KCNG3: variants seen among roughly 807,000 people sequenced by gnomAD.
The protein encoded by KCNG3 is potassium voltage-gated channel modifier subfamily G member 3.
KCNG3 carries 15 observed loss-of-function variants against 29.0 expected under a neutral mutation model. The ratio of observed to expected loss-of-function variants is 0.52; its 90% CI spans 0.35 to 0.80. The LOEUF (loss-of-function observed/expected upper bound fraction) is 0.80, where lower values mean the gene tolerates loss of function less well. Ranked by LOEUF, KCNG3 falls within the 30% of genes least tolerant of loss-of-function variation. The pLI, the probability that KCNG3 is intolerant of heterozygous loss-of-function variation, is 0.01. For synonymous variants in KCNG3, 322 were observed against 248.9 expected (o/e 1.29, Z -2.76); for missense variants, 512 against 605.7 (o/e 0.85, Z 1.62).
chr2:42,413,740 GC>G, the KCNG3 span: 1 of 152,796 alleles, frequency 6.5e-6, no homozygotes, highest in Non-Finnish European at 1.5e-5. Context: ...TCTTCACATG[GC>G]AGCAGCAAGG....
At chr2:42,477,638 G>A (rs548948131) in intron 1 of KCNG3, among the ~76,000 whole-genome samples, 13 of 151,924 alleles carry the variant, frequency 8.6e-5, no homozygotes, top group African/African-American at 3.1e-4. Flanking sequence ...TAGCACTTTG[G>A]GAGGCCGAGG....
chr2:42,490,423 AAAAATAAAAT>A (rs1361699295), intron 1 of KCNG3, among the ~76,000 whole-genome samples: 1 of 152,102 alleles, frequency 6.6e-6, no homozygotes, highest in Non-Finnish European at 1.5e-5. Context: ...TAAAAATGCA[AAAAATAAAAT>A]AAAATAAAAT....
At chr2:42,471,406 C>G (rs2103708526) in intron 1 of KCNG3, among the ~76,000 whole-genome samples, 1 of 152,142 alleles carries the variant, frequency 6.6e-6, no homozygotes, top group South Asian at 2.1e-4. Flanking sequence ...CAAAAGGCTC[C>G]ATGTTGTATA....
At chr2:42,455,556 A>T (rs1460648512) in intron 1 of KCNG3, among the ~76,000 whole-genome samples, 1 of 152,114 alleles carries the variant, frequency 6.6e-6, no homozygotes, top group Non-Finnish European at 1.5e-5. Context: ...AGCCCAGGAG[A>T]TCTTGGAATA....
chr2:42,443,760 C>G lies in KCNG3; in HGVS notation c.*174G>C, dbSNP rs1018637705. 1 of 580,788 alleles carries G rather than the reference C, an allele frequency of 1.7e-6. No individual in the cohort carries two copies. The highest frequency in any genetic ancestry group is 2.9e-6 in the Non-Finnish European group (1 of 340,152). 36.0% of individuals were successfully genotyped at this position (580,788 alleles called of 1,614,324 possible). On this transcript the variant is annotated 3_prime_UTR_variant, in exon 2 of 2. Transcript: ENST00000306078. Reference sequence around the variant, plus strand: ...TTATTCTTCCTTTGCAGTCTCAATTCTATTTACTCCATAACAAGTAAACTG... The same window carrying G: ...TTATTCTTCCTTTGCAGTCTCAATTGTATTTACTCCATAACAAGTAAACTG...
At chr2:42,448,367 A>ATTTG (rs1480598685) in intron 1 of KCNG3, among the ~76,000 whole-genome samples, 1 of 151,150 alleles carries the variant, frequency 6.6e-6, no homozygotes, top group African/African-American at 2.4e-5. Flanking sequence ...TTATTTATTT[A>ATTTG]TTTATTTATT....
chr2:42,393,637 G>A, the KCNG3 span, among the ~76,000 whole-genome samples: 1 of 152,132 alleles, frequency 6.6e-6, no homozygotes, highest in Non-Finnish European at 1.5e-5. Flanking sequence ...GTTAGACTTA[G>A]ACTCCTATCT....
At chr2:42,449,546 C>G (rs1320761504) in intron 1 of KCNG3, among the ~76,000 whole-genome samples, 2 of 127,932 alleles carry the variant, frequency 1.6e-5, no homozygotes, top group Non-Finnish European at 3.2e-5. Context: ...GAGACAGGGT[C>G]TCACTCTGTC....
At chr2:42,399,851 G>T in the KCNG3 span, among the ~76,000 whole-genome samples, 1 of 152,096 alleles carries the variant, frequency 6.6e-6, no homozygotes, top group Non-Finnish European at 1.5e-5. Context: ...ACAGTTGGGG[G>T]TCACCATGGA....
the KCNG3 span, among the ~76,000 whole-genome samples, chr2:42,420,626 C>T: frequency 1.3e-5 from 2 of 152,022 alleles, no homozygotes; most frequent in Non-Finnish European, 2.9e-5. Context: ...CCCATCTCTA[C>T]TAAAAATACA....
In KCNG3 at chr2:42,477,382, T is replaced by TAC. The variant is rs1328091998; in HGVS notation, c.665+15454_665+15455insGT. Among the ~76,000 whole-genome samples, 481 of 105,162 alleles carry TAC rather than the reference T, an allele frequency of 4.6e-3. 5 individuals carry two copies. Among genetic ancestry groups the TAC allele is most frequent in the Non-Finnish European group, 6.1e-3 (357 of 58,536 alleles). The allele number at this position is 105,162 out of a possible 152,430, so 69.0% of individuals were successfully genotyped here. Reference sequence around the variant, plus strand: ...GTATATACATATATATACACACACATATATATACACACACACACACACACA... The same window carrying TAC: ...GTATATACATATATATACACACACATACATATATACACACACACACACACACA... On this transcript the variant is annotated intron_variant, in intron 1 of 1. Transcript: ENST00000306078.
the KCNG3 span, among the ~76,000 whole-genome samples, chr2:42,399,831 G>A: frequency 4.6e-5 from 7 of 152,212 alleles, no homozygotes; most frequent in African/African-American, 1.4e-4. Context: ...AGCTTGATAC[G>A]TCTCTCCCTA....
chr2:42,404,825 A>C, the KCNG3 span, among the ~76,000 whole-genome samples: 1 of 152,166 alleles, frequency 6.6e-6, no homozygotes, highest in Non-Finnish European at 1.5e-5. Context: ...CAATGATTGC[A>C]ATCCCGGGTC....
At chr2:42,468,867 T>C (rs1673210666) in intron 1 of KCNG3, among the ~76,000 whole-genome samples, 1 of 141,520 alleles carries the variant, frequency 7.1e-6, no homozygotes, top group South Asian at 2.2e-4. Flanking sequence ...AGGCAGAGAA[T>C]TGCTTGAACC....
the KCNG3 span, among the ~76,000 whole-genome samples, chr2:42,427,619 A>T: frequency 6.6e-6 from 1 of 152,074 alleles, no homozygotes; most frequent in Non-Finnish European, 1.5e-5. Context: ...AAAAAAAAAA[A>T]TTATTTCAAC....
At chr2:42,461,482 G>A (rs550397361) in intron 1 of KCNG3, among the ~76,000 whole-genome samples, 1 of 152,170 alleles carries the variant, frequency 6.6e-6, no homozygotes, top group East Asian at 1.9e-4. Context: ...CCATGCTGTA[G>A]AGGACATATG....
chr2:42,477,563 T>A (rs1022088306), intron 1 of KCNG3, among the ~76,000 whole-genome samples: 11 of 150,468 alleles, frequency 7.3e-5, no homozygotes, highest in Admixed American at 6.6e-4. Flanking sequence ...AAGTAGCTGG[T>A]CAATACAAAA....
the KCNG3 span, among the ~76,000 whole-genome samples, chr2:42,404,300 G>A: frequency 1.3e-5 from 2 of 151,888 alleles, no homozygotes; most frequent in Non-Finnish European, 2.9e-5. Context: ...CCTGATACAA[G>A]GAAGAAGAAC....
At chr2:42,389,166 C>G in the KCNG3 span, among the ~76,000 whole-genome samples, 1 of 152,198 alleles carries the variant, frequency 6.6e-6, no homozygotes, top group Non-Finnish European at 1.5e-5. Flanking sequence ...GATCCTCCCC[C>G]TTCAGCCTCC....
Sources: allele counts gnomAD v4.1 joint callset (sites outside exome capture counted in the v4.1 genomes callset), GRCh38; gene constraint gnomAD v4.1.1; transcripts MANE v1.5; gene names NCBI Gene and HGNC (gene_info 2026-07-23, HGNC 2026-07-21).